ATP6V1B1: variants seen among roughly 807,000 people sequenced by gnomAD.
ATP6V1B1 encodes ATPase H+ transporting V1 subunit B1.
ATP6V1B1 carries 41 observed loss-of-function variants against 62.1 expected under a neutral mutation model. The ratio of observed to expected loss-of-function variants is 0.66; its 90% confidence interval spans 0.51 to 0.86. The LOEUF (loss-of-function observed/expected upper bound fraction) is 0.86, where lower values mean the gene tolerates loss of function less well. Ranked by LOEUF, ATP6V1B1 falls within the 40% of genes least tolerant of loss-of-function variation. The pLI is 0.00. For missense variants in ATP6V1B1, 651 were observed against 697.5 expected, an observed-to-expected ratio of 0.93 and a Z score of 0.75; for synonymous variants, 253 against 273.4, an observed-to-expected ratio of 0.93 and a Z score of 0.74.
At chr2:70,949,951 T>C (rs1218598061) in intron 2 of ATP6V1B1, among the ~76,000 whole-genome samples, 2 of 152,216 alleles carry the variant, frequency 1.3e-5, no homozygotes, top group Admixed American at 6.5e-5. Context: ...TTCAGAAAGA[T>C]AGGAAAGAAG....
rs782025148 is a variant in ATP6V1B1, at chr2:70,958,450, G to A, written c.367+24G>A. ...GGGTGAGGGACAGGGAGGGGCAGGG[G>A]TGGGGGTGCTCCTCTGCCCTCCCAG... On this transcript the variant is annotated intron_variant, in intron 4 of 13. Coordinates refer to ENST00000234396, the MANE Select transcript of ATP6V1B1 (RefSeq NM_001692.4). 7 of 1,564,784 alleles carry A rather than the reference G, an allele frequency of 4.5e-6. No individual in the cohort carries two copies. In the Admixed American group the frequency reaches 1.0e-4, roughly 22 times the overall value.
At chr2:70,940,970 A>T (rs1198896905) in intron 1 of ATP6V1B1, 1 of 892,642 alleles carries the variant, frequency 1.1e-6, no homozygotes, top group East Asian at 1.2e-4. Flanking sequence ...CTGGAGTGCA[A>T]TAATAGCATG....
intron 2 of ATP6V1B1, among the ~76,000 whole-genome samples, chr2:70,956,436 C>G (rs1024976158): frequency 5.3e-5 from 8 of 152,258 alleles, no homozygotes; most frequent in African/African-American, 1.9e-4. Context: ...ATGAATACAT[C>G]ATATTTTGTT....
chr2:70,957,257 A>G (rs1680461813), intron 2 of ATP6V1B1, among the ~76,000 whole-genome samples: 1 of 149,172 alleles, frequency 6.7e-6, no homozygotes. Flanking sequence ...GGCAATATAT[A>G]TATATATATA....
At chr2:70,954,499 A>T (rs1022574816) in intron 2 of ATP6V1B1, among the ~76,000 whole-genome samples, 2 of 152,152 alleles carry the variant, frequency 1.3e-5, no homozygotes, top group Non-Finnish European at 2.9e-5. Flanking sequence ...TTTTCCAGAT[A>T]ATCTGTTATT....
At chr2:70,936,864 G>GATGT (rs1224805031) in intron 1 of ATP6V1B1, among the ~76,000 whole-genome samples, 2 of 152,154 alleles carry the variant, frequency 1.3e-5, no homozygotes, top group Non-Finnish European at 2.9e-5. Context: ...CAGGTGCTGG[G>GATGT]ATGTACCCTT....
intron 2 of ATP6V1B1, among the ~76,000 whole-genome samples, chr2:70,950,611 A>C (rs888433490): frequency 2.6e-5 from 4 of 152,090 alleles, no homozygotes; most frequent in Admixed American, 6.5e-5. Flanking sequence ...TAGAAAAAAA[A>C]GGAGGGGGGG....
At chr2:70,937,541 C>G (rs1679887908) in intron 1 of ATP6V1B1, among the ~76,000 whole-genome samples, 1 of 151,974 alleles carries the variant, frequency 6.6e-6, no homozygotes, top group Non-Finnish European at 1.5e-5. Context: ...CACCAAGGCC[C>G]AGAAATATGC....
chr2:70,941,890 C>G, intron 1 of ATP6V1B1: 1 of 987,152 alleles, frequency 1.0e-6, no homozygotes, highest in Non-Finnish European at 1.2e-6. Flanking sequence ...CACCCAGGCT[C>G]TGAGTGTAGC....
At chr2:70,945,699 G>GATTATATATAT (rs1450719874) in intron 2 of ATP6V1B1, among the ~76,000 whole-genome samples, 1 of 70,112 alleles carries the variant, frequency 1.4e-5, no homozygotes, top group African/African-American at 5.0e-5. Flanking sequence ...GCTATTTGAA[G>GATTATATATAT]AGATATATAT....
chr2:70,964,336 G>C, intron 11 of ATP6V1B1, 102 bp from the exon 12 acceptor site: 1 of 1,253,602 alleles, frequency 8.0e-7, no homozygotes. Context: ...TGACCCCTCG[G>C]AATGTAGGAT....
At position 70,965,318 on chromosome 2, in the gene ATP6V1B1, C is replaced by T. The variant is rs954033528; in HGVS notation, c.*197C>T. ...CCCGCGCTCCATGCCTCCCCCTCGACTCCCGGTGCTGCGGAAGAACTGAAG... is the reference window on the plus strand; with the variant it reads ...CCCGCGCTCCATGCCTCCCCCTCGATTCCCGGTGCTGCGGAAGAACTGAAG... On this transcript the variant is annotated 3_prime_UTR_variant, in exon 14 of 14. Transcript: ENST00000234396. 1.4e-4 allele frequency: 99 copies of T among 726,788 alleles called. No homozygotes were observed. Among genetic ancestry groups the T allele is most frequent in the Non-Finnish European group, 2.0e-4 (91 of 450,514 alleles). 45.0% of individuals were successfully genotyped at this position (726,788 alleles called of 1,614,324 possible). A position where few individuals can be genotyped will look rare whatever the true frequency, so the allele number is the denominator to read the frequency against.
Position 70,940,811 on chromosome 2 carries a change from G to A in ATP6V1B1, c.119-2847G>A, listed in dbSNP as rs111367776. 3.4e-4 allele frequency: 332 copies of A among 985,308 alleles called. 1 individual carries two copies. In the African/African-American group the frequency reaches 5.3e-3, roughly 16 times the overall value. 61.0% of individuals were successfully genotyped at this position (985,308 alleles called of 1,614,324 possible). ...GGAGGGGGCACACAATGGTTCTGAT[G>A]TGGGAAGTATGAGAAGGAGCAGATG... is the stretch of plus-strand genomic sequence containing the variant. On this transcript the variant is annotated intron_variant, in intron 1 of 13. Transcript: ENST00000234396.
rs1312078336 is a variant in ATP6V1B1, at chr2:70,945,699, GAGATATATATATATATAT to G, written c.174+1988_174+2005del. Among the ~76,000 whole-genome samples the G allele has an allele frequency of 4.9e-3, 343 of 70,114 alleles. 8 individuals carry two copies. The highest frequency in any genetic ancestry group is 0.015 in the African/African-American group (303 of 19,972). The allele number at this position is 70,114 out of a possible 152,430, so 46.0% of individuals were successfully genotyped here. Reference sequence around the variant, plus strand: ...AGTATCCTCTTTCTGGCTATTTGAAGAGATATATATATATATATATATATATATATATATATATATATA... The same window carrying G: ...AGTATCCTCTTTCTGGCTATTTGAAGATATATATATATATATATATATATA... On this transcript the variant is annotated intron_variant, in intron 2 of 13. Coordinates refer to ENST00000234396, the MANE Select transcript of ATP6V1B1 (RefSeq NM_001692.4).
chr2:70,943,858 A>G, intron 2 of ATP6V1B1, 145 bp downstream of exon 2: 1 of 1,290,738 alleles, frequency 7.7e-7, no homozygotes, highest in Non-Finnish European at 1.1e-6. Context: ...ACCCACTCCC[A>G]CTCTCCTTCC....
At position 70,963,298 on chromosome 2, in the gene ATP6V1B1, C is replaced by T; in HGVS notation, c.1046C>T (p.Thr349Ile). Reference protein sequence around the residue: ...GGSITQIPILTMPNDDITHPI... With the variant: ...GGSITQIPILIMPNDDITHPI... Reference sequence around the variant, plus strand: ...TCCATCACACAGATCCCCATCCTCACCATGCCCAACGACGGTAGCCTCCTC... The same window carrying T: ...TCCATCACACAGATCCCCATCCTCATCATGCCCAACGACGGTAGCCTCCTC... The change falls in exon 10 of 14, where the codon ACC (threonine) becomes ATC (isoleucine). Residue 349 changes from threonine to isoleucine, a missense_variant. Physicochemically the swap from Thr to Ile is moderately conservative, Grantham distance 89. Transcript: ENST00000234396. This position sits in a 1 kb window ranked among gnomAD's most constrained non-coding sequence, Gnocchi z 4.3. 6.2e-7 allele frequency: 1 copy of T among 1,613,326 alleles called. No individual in the cohort carries two copies. The highest frequency in any genetic ancestry group is 1.3e-5 in the African/African-American group (1 of 75,058).
chr2:70,963,524 G>A lies in ATP6V1B1; in HGVS notation c.1061-48G>A, dbSNP rs1680640013. The A allele has an allele frequency of 6.3e-7, 1 of 1,590,504 alleles. No homozygotes were observed. The highest frequency in any genetic ancestry group is 1.3e-5 in the African/African-American group (1 of 74,518). On this transcript the variant is annotated intron_variant, in intron 10 of 13. Coordinates refer to ENST00000234396, the MANE Select transcript of ATP6V1B1 (RefSeq NM_001692.4). This position sits in a 1 kb window ranked among gnomAD's most constrained non-coding sequence, Gnocchi z 4.3. ...AGACCCCAGGTGGCCCTGAGTGGTTGGAGACCTGGGCCCCCACCCACACTG... is the reference window on the plus strand; with the variant it reads ...AGACCCCAGGTGGCCCTGAGTGGTTAGAGACCTGGGCCCCCACCCACACTG...
Position 70,961,028 on chromosome 2 carries a change from G to A in ATP6V1B1, c.687+6G>A. 1.3e-6 allele frequency: 2 copies of A among 1,573,160 alleles called. No individual in the cohort carries two copies. The highest frequency in any genetic ancestry group is 1.9e-5 in the Admixed American group (1 of 53,738). ...TCGTCTTTGCAGCCATGGGGGTGAGGAGACTTAGTAGACTGGCAAGTTCTG... is the reference window on the plus strand; with the variant it reads ...TCGTCTTTGCAGCCATGGGGGTGAGAAGACTTAGTAGACTGGCAAGTTCTG... On this transcript the variant is annotated splice_donor_region_variant and intron_variant, in intron 7 of 13. Coordinates refer to ENST00000234396, the MANE Select transcript of ATP6V1B1 (RefSeq NM_001692.4).
At chr2:70,940,335 C>G in intron 1 of ATP6V1B1, 1 of 602,268 alleles carries the variant, frequency 1.7e-6, no homozygotes, top group Non-Finnish European at 2.1e-6. Context: ...CCCATCCCCT[C>G]CCACACCCCC....
Sources: gnomAD v4.1 joint callset for allele counts (sites outside exome capture counted in the v4.1 genomes callset) on GRCh38, gnomAD v4.1.1 for gene constraint, Gnocchi (gnomAD v3.1) non-coding constraint, MANE v1.5 for transcripts, NCBI Gene and HGNC (gene_info 2026-07-23, HGNC 2026-07-21) for gene names.